The following SAR1A variants were observed in gnomAD, a reference collection of about 807,000 sequenced individuals.
The protein encoded by SAR1A is small COPII coat GTPase SAR1A.
In SAR1A, 6 loss-of-function variants were observed where a neutral mutation model predicts 22.6. The observed-to-expected ratio is 0.27, with a 90% CI of 0.15 to 0.52. The LOEUF is 0.52. Ranked by LOEUF, SAR1A falls within the 20% of genes least tolerant of loss-of-function variation. The probability of loss-of-function intolerance (pLI) is 0.96; values close to 1 mark genes in which losing one functional copy is unlikely to be tolerated. For synonymous variants in SAR1A, 70 were observed against 82.2 expected, an observed-to-expected ratio of 0.85 and a Z score of 0.80; for missense variants, 145 against 245.1, an observed-to-expected ratio of 0.59 and a Z score of 2.73.
At position 70,148,831 on chromosome 10, in the gene SAR1A, G is replaced by A; in HGVS notation, c.*3645C>T. 1 of 154,438 alleles carries A rather than the reference G, an allele frequency of 6.5e-6. No homozygotes were observed. Among genetic ancestry groups the A allele is most frequent in the Non-Finnish European group, 1.4e-5 (1 of 69,806 alleles). 9.6% of individuals were successfully genotyped at this position (154,438 alleles called of 1,614,324 possible). A position where few individuals can be genotyped will look rare whatever the true frequency, so the allele number is the denominator to read the frequency against. ...CAAACAAACAAACTTTCTCTCTCGA[G>A]TCCAGTGATTCTCCCTCAACGCTCA... On this transcript the variant is annotated 3_prime_UTR_variant, in exon 7 of 7. Coordinates refer to ENST00000373241, the MANE Select transcript of SAR1A (RefSeq NM_020150.5).
rs957017152 is a variant in SAR1A at position 70,151,810 on chromosome 10, G to A, written c.*666C>T. 4 of 152,996 alleles carry A rather than the reference G, an allele frequency of 2.6e-5. No homozygotes were observed. The highest frequency in any genetic ancestry group is 9.7e-5 in the African/African-American group (4 of 41,422). 9.5% of individuals were successfully genotyped at this position (152,996 alleles called of 1,614,324 possible). A position where few individuals can be genotyped will look rare whatever the true frequency, so the allele number is the denominator to read the frequency against. The stretch of plus-strand genomic sequence containing the variant: ...CATTCCTTGATGAGGAATGAACCTA[G>A]CTTACCACAGTGGAAACCTGCCACA... On this transcript the variant is annotated 3_prime_UTR_variant, in exon 7 of 7. Transcript: ENST00000373241.
rs544150729 is a variant in SAR1A at position 70,159,540 on chromosome 10, G to A, written c.244+1464C>T. On this transcript the variant is annotated intron_variant, in intron 4 of 6. Transcript: ENST00000373241. ...GGAAACCCAGTCTCTACAAAAAACA[G>A]GTGGGAGGATTGCTTGAGCCCAGGA... Among the ~76,000 whole-genome samples the A allele has an allele frequency of 1.2e-4, 18 of 152,148 alleles. 1 individual carries two copies. The South Asian group carries it at 3.7e-3, about 32-fold the overall frequency.
At chr10:70,155,606 G>A (rs1041369428) in intron 5 of SAR1A, among the ~76,000 whole-genome samples, 1 of 152,156 alleles carries the variant, frequency 6.6e-6, no homozygotes, top group Non-Finnish European at 1.5e-5. Flanking sequence ...TGATGAGAGA[G>A]AACTATAAAA....
rs1839294821 is a variant in SAR1A at position 70,148,820 on chromosome 10, TTC to T, written c.*3654_*3655del. Reference sequence around the variant, plus strand: ...AAACAAACAAACAAACAAACAAACTTTCTCTCTCGAGTCCAGTGATTCTCCCT... The same window carrying T: ...AAACAAACAAACAAACAAACAAACTTTCTCTCGAGTCCAGTGATTCTCCCT... On this transcript the variant is annotated 3_prime_UTR_variant, in exon 7 of 7. Coordinates refer to ENST00000373241, the MANE Select transcript of SAR1A (RefSeq NM_020150.5). 7.3e-6 allele frequency: 1 copy of T among 137,394 alleles called. No individual in the cohort carries two copies. Among genetic ancestry groups the T allele is most frequent in the South Asian group, 2.5e-4 (1 of 4,070 alleles). 8.5% of individuals were successfully genotyped at this position (137,394 alleles called of 1,614,324 possible). A position where few individuals can be genotyped will look rare whatever the true frequency, so the allele number is the denominator to read the frequency against.
chr10:70,159,295 A>T (rs927734979), intron 4 of SAR1A, among the ~76,000 whole-genome samples: 2 of 152,344 alleles, frequency 1.3e-5, no homozygotes, highest in African/African-American at 4.8e-5. Context: ...AATATTAAAT[A>T]AATTAATTAA....
At chr10:70,167,729 G>A (rs769133082) in intron 1 of SAR1A, among the ~76,000 whole-genome samples, 8 of 152,000 alleles carry the variant, frequency 5.3e-5, no homozygotes, top group South Asian at 2.1e-4. Context: ...TATTTTTCAC[G>A]GCCCTTACCA....
chr10:70,156,594 C>T (rs557225397), intron 5 of SAR1A, among the ~76,000 whole-genome samples: 1 of 151,470 alleles, frequency 6.6e-6, no homozygotes, highest in African/African-American at 2.4e-5. Flanking sequence ...ATCGCTTGAG[C>T]CCAGAAGTCT....
chr10:70,157,401 CAAAAAAAAAAAAA>C lies in SAR1A; in HGVS notation c.348+350_348+362del, dbSNP rs55801259. Among the ~76,000 whole-genome samples, 56 of 131,240 alleles carry C rather than the reference CAAAAAAAAAAAAA, an allele frequency of 4.3e-4. 1 individual carries two copies. Among genetic ancestry groups the C allele is most frequent in the Admixed American group, 7.6e-4 (10 of 13,080 alleles). 86.1% of individuals were successfully genotyped at this position (131,240 alleles called of 152,430 possible). A position where few individuals can be genotyped will look rare whatever the true frequency, so the allele number is the denominator to read the frequency against. ...CCTGGGCAACAGAGCAAGACTCCGT[CAAAAAAAAAAAAA>C]AAAAAAAAAAAAAAACAGAATTACT... is the stretch of plus-strand genomic sequence containing the variant. On this transcript the variant is annotated intron_variant, in intron 5 of 6. Transcript: ENST00000373241.
intron 4 of SAR1A, among the ~76,000 whole-genome samples, chr10:70,159,873 T>C (rs764824914): frequency 6.6e-6 from 1 of 152,162 alleles, no homozygotes; most frequent in Non-Finnish European, 1.5e-5. Flanking sequence ...AAACACCTGA[T>C]AGGAATCTGG....
At chr10:70,164,382 A>C (rs1307180914) in intron 1 of SAR1A, among the ~76,000 whole-genome samples, 1 of 152,222 alleles carries the variant, frequency 6.6e-6, no homozygotes, top group Non-Finnish European at 1.5e-5. Flanking sequence ...ATCTAAACTT[A>C]GGTGGAGTTG....
At position 70,152,603 on chromosome 10, in the gene SAR1A, C is replaced by G. The variant is rs1211779232; in HGVS notation, c.481-11G>C. On this transcript the variant is annotated splice_polypyrimidine_tract_variant and intron_variant, in intron 6 of 6. Coordinates refer to ENST00000373241, the MANE Select transcript of SAR1A (RefSeq NM_020150.5). The stretch of plus-strand genomic sequence containing the variant: ...CAGGGTCACATTCCCCTAAAGGAGG[C>G]AAAACCAAGAAAGGCCTGTTAGCAT... The G allele has an allele frequency of 6.4e-7, 1 of 1,571,610 alleles. No individual in the cohort carries two copies. Among genetic ancestry groups the G allele is most frequent in the Non-Finnish European group, 8.8e-7 (1 of 1,141,652 alleles).
intron 1 of SAR1A, among the ~76,000 whole-genome samples, chr10:70,169,317 G>C (rs951337503): frequency 2.6e-5 from 4 of 151,472 alleles, no homozygotes; most frequent in Admixed American, 2.0e-4. Context: ...CACAGAGGAT[G>C]ATCTTCCGAA....
chr10:70,160,572 A>G (rs1000602365), intron 4 of SAR1A, among the ~76,000 whole-genome samples: 1 of 152,240 alleles, frequency 6.6e-6, no homozygotes, highest in Non-Finnish European at 1.5e-5. Flanking sequence ...TTGTTGAAGC[A>G]ATACATATAT....
At chr10:70,159,512 G>A (rs1008658728) in intron 4 of SAR1A, among the ~76,000 whole-genome samples, 2 of 152,026 alleles carry the variant, frequency 1.3e-5, no homozygotes, top group Non-Finnish European at 2.9e-5. Flanking sequence ...TGGGCAACAT[G>A]GCGGAAACCC....
Sources: gnomAD v4.1 joint callset for allele counts (sites outside exome capture counted in the v4.1 genomes callset) on GRCh38, gnomAD v4.1.1 for gene constraint, MANE v1.5 for transcripts, NCBI Gene and HGNC (gene_info 2026-07-23, HGNC 2026-07-21) for gene names.